LDB2: variants seen among roughly 807,000 people sequenced by gnomAD.
The protein encoded by LDB2 is LIM domain binding 2, also known as LIM domain-binding protein 2.
A neutral mutation model predicts 44.3 loss-of-function variants in LDB2; 12 were observed. The observed-to-expected ratio is 0.27, with a 90% CI of 0.17 to 0.44. The LOEUF is 0.44. Among genes scored for constraint, LDB2 ranks in the 20% least tolerant of loss-of-function variants. The pLI, the probability that LDB2 is intolerant of heterozygous loss-of-function variation, is 1.00. For missense variants in LDB2, 344 were observed against 473.5 expected (o/e 0.73, Z 2.54); for synonymous variants, 164 against 174.8 (o/e 0.94, Z 0.49).
intron 2 of LDB2, among the ~76,000 whole-genome samples, chr4:16,742,836 T>C (rs1028855876): frequency 6.6e-6 from 1 of 152,214 alleles, no homozygotes; most frequent in Non-Finnish European, 1.5e-5. Flanking sequence ...TTTGCCTCCC[T>C]TGGGATGTGC....
At chr4:16,800,921 C>T (rs140699122) in intron 1 of LDB2, among the ~76,000 whole-genome samples, 5,158 of 152,294 alleles carry the variant, frequency 0.034, 286 homozygotes, top group African/African-American at 0.12. Flanking sequence ...ATGATCCACC[C>T]GCCTCGGCCT....
chr4:16,580,183 G>A (rs563256607), intron 5 of LDB2, among the ~76,000 whole-genome samples: 1 of 152,234 alleles, frequency 6.6e-6, no homozygotes, highest in African/African-American at 2.4e-5. Context: ...TGGTTCGTGT[G>A]GTCCAGGATG....
intron 1 of LDB2, among the ~76,000 whole-genome samples, chr4:16,831,205 C>A (rs933816945): frequency 7.7e-6 from 1 of 130,510 alleles, no homozygotes. Flanking sequence ...ATTTTAAGTG[C>A]AAATATCATA....
At chr4:16,549,788 T>C (rs1501145) in intron 5 of LDB2, among the ~76,000 whole-genome samples, 124,826 of 152,248 alleles carry the variant, frequency 0.82, 51,772 homozygotes, top group Non-Finnish European at 0.87. Context: ...ACGAATATAA[T>C]AGACTCCCAT....
At chr4:16,754,910 C>T (rs1766210549) in intron 2 of LDB2, among the ~76,000 whole-genome samples, 1 of 152,132 alleles carries the variant, frequency 6.6e-6, no homozygotes, top group Non-Finnish European at 1.5e-5. Flanking sequence ...GATTAAAGCC[C>T]AAGAATGTTT....
chr4:16,573,842 G>A (rs1470386152), intron 5 of LDB2, among the ~76,000 whole-genome samples: 1 of 152,136 alleles, frequency 6.6e-6, no homozygotes, highest in Non-Finnish European at 1.5e-5. Flanking sequence ...TCATCCTCAG[G>A]CTTGGCTTGC....
intron 1 of LDB2, among the ~76,000 whole-genome samples, chr4:16,868,392 G>A (rs1183343303): frequency 6.6e-6 from 1 of 152,054 alleles, no homozygotes; most frequent in Non-Finnish European, 1.5e-5. Context: ...TGCTGACGGG[G>A]GTGTATTTTG....
chr4:16,758,969 C>T lies in LDB2; in HGVS notation c.235+189G>A, dbSNP rs781067044. On this transcript the variant is annotated intron_variant, in intron 2 of 7. Coordinates refer to ENST00000304523, the MANE Select transcript of LDB2 (RefSeq NM_001290.5). The stretch of plus-strand genomic sequence containing the variant: ...GCAAATACCCAAACATTCTAAGCCT[C>T]GAAGGAAACCTGTCAGAGCCAACTA... 7.9e-5 allele frequency among the ~76,000 whole-genome samples: 12 copies of T among 152,052 alleles called. No homozygotes were observed. The East Asian group carries it at 1.7e-3, about 22-fold the overall frequency.
At chr4:16,699,932 C>A (rs1753073967) in intron 2 of LDB2, among the ~76,000 whole-genome samples, 1 of 152,186 alleles carries the variant, frequency 6.6e-6, no homozygotes, top group South Asian at 2.1e-4. Flanking sequence ...CCAGAACACT[C>A]AGCTAAATTT....
intron 1 of LDB2, among the ~76,000 whole-genome samples, chr4:16,867,649 G>T (rs1580350733): frequency 6.6e-6 from 1 of 152,102 alleles, no homozygotes; most frequent in South Asian, 2.1e-4. Flanking sequence ...GGTAAAGAGG[G>T]CTCTTTAAAA....
intron 2 of LDB2, among the ~76,000 whole-genome samples, chr4:16,742,175 G>A (rs1257434250): frequency 6.7e-6 from 1 of 148,770 alleles, no homozygotes; most frequent in Non-Finnish European, 1.5e-5. Context: ...GGGTTCAAGC[G>A]ATTCTCCTGC....
chr4:16,873,544 A>G (rs1717373344), intron 1 of LDB2, among the ~76,000 whole-genome samples: 1 of 152,138 alleles, frequency 6.6e-6, no homozygotes, highest in South Asian at 2.1e-4. Flanking sequence ...CTATTCTTCT[A>G]CTTTATTCCT....
In LDB2 at chr4:16,501,573, C is replaced by T. The variant is rs966198740; in HGVS notation, c.*1070G>A. On this transcript the variant is annotated 3_prime_UTR_variant, in exon 8 of 8. Transcript: ENST00000304523. ...ATTAACACAGTTTATTATTGGCACA[C>T]TTATCAGTAAAGCATACATAAAATA... is the stretch of plus-strand genomic sequence containing the variant. The T allele has an allele frequency of 2.0e-5, 3 of 152,632 alleles. No homozygotes were observed. Among genetic ancestry groups the T allele is most frequent in the African/African-American group, 7.2e-5 (3 of 41,450 alleles). The allele number at this position is 152,632 out of a possible 1,614,324, so 9.5% of individuals were successfully genotyped here.
intron 5 of LDB2, among the ~76,000 whole-genome samples, chr4:16,524,180 G>C (rs750328389): frequency 1.3e-5 from 2 of 152,176 alleles, no homozygotes; most frequent in African/African-American, 2.4e-5. Context: ...GTATCACATA[G>C]TATTTATCAG....
At chr4:16,639,460 A>AATTATT (rs377611859) in intron 2 of LDB2, among the ~76,000 whole-genome samples, 9 of 151,998 alleles carry the variant, frequency 5.9e-5, no homozygotes, top group Non-Finnish European at 1.3e-4. Flanking sequence ...AAACCAAAAG[A>AATTATT]ATTATTATTA....
At chr4:16,683,588 T>C (rs1748472402) in intron 2 of LDB2, among the ~76,000 whole-genome samples, 1 of 152,186 alleles carries the variant, frequency 6.6e-6, no homozygotes, top group Admixed American at 6.5e-5. Flanking sequence ...TGCTCAGAAA[T>C]GTGGAGAAGT....
At chr4:16,788,763 G>C (rs1579673377) in intron 1 of LDB2, among the ~76,000 whole-genome samples, 1 of 152,214 alleles carries the variant, frequency 6.6e-6, no homozygotes, top group Admixed American at 6.5e-5. Context: ...TGCGTCGAAT[G>C]ACATTAATAG....
chr4:16,759,328 G>T, intron 1 of LDB2, 68 bp from the exon 2 acceptor site: 1 of 1,198,242 alleles, frequency 8.3e-7, no homozygotes, highest in East Asian at 2.3e-5. Flanking sequence ...AAGAGAAAAG[G>T]GAAGAGAAAG....
intron 1 of LDB2, among the ~76,000 whole-genome samples, chr4:16,801,177 C>G (rs1228268730): frequency 6.6e-6 from 1 of 152,160 alleles, no homozygotes; most frequent in South Asian, 2.1e-4. Context: ...CCCTCCAACC[C>G]GTCTTCAGTT....
Sources: gnomAD v4.1 joint callset for allele counts (sites outside exome capture counted in the v4.1 genomes callset) on GRCh38, gnomAD v4.1.1 for gene constraint, MANE v1.5 for transcripts, NCBI Gene and HGNC (gene_info 2026-07-23, HGNC 2026-07-21) for gene names.